Variants in STK32B observed in about 807,000 individuals in gnomAD.
STK32B encodes serine/threonine-protein kinase 32B.
A neutral mutation model predicts 52.6 loss-of-function variants in STK32B; 43 were observed. That is an observed-to-expected ratio of 0.82 (90% CI 0.64 to 1.05). STK32B has a LOEUF of 1.05. Among genes scored for constraint, STK32B ranks in the 50% least tolerant of loss-of-function variants. The probability of loss-of-function intolerance (pLI) is 0.00; values close to 1 mark genes in which losing one functional copy is unlikely to be tolerated. For missense variants in STK32B, 621 were observed against 534.6 expected (o/e 1.16, Z -1.59); for synonymous variants, 238 against 204.3 (o/e 1.17, Z -1.41).
chr4:5,493,939 A>C (rs577084329), intron 11 of STK32B, among the ~76,000 whole-genome samples: 20 of 152,396 alleles, frequency 1.3e-4, no homozygotes, highest in Admixed American at 1.0e-3. Flanking sequence ...CTGTGGTCTG[A>C]GAGACAGTTT....
intron 6 of STK32B, among the ~76,000 whole-genome samples, chr4:5,425,722 CAT>C (rs1713035630): frequency 6.6e-6 from 1 of 152,134 alleles, no homozygotes; most frequent in Non-Finnish European, 1.5e-5. Context: ...CAGACAAACA[CAT>C]ACAGTCATAG....
intron 3 of STK32B, among the ~76,000 whole-genome samples, chr4:5,263,053 CTTA>C (rs2108847139): frequency 6.8e-6 from 1 of 147,000 alleles, no homozygotes; most frequent in African/African-American, 2.5e-5. Context: ...TGTTTAGCAT[CTTA>C]TTTTATTGAA....
At chr4:5,312,620 CA>C (rs1730379028) in intron 3 of STK32B, among the ~76,000 whole-genome samples, 1 of 152,000 alleles carries the variant, frequency 6.6e-6, no homozygotes, top group Non-Finnish European at 1.5e-5. Flanking sequence ...ATGAACTCAT[CA>C]TTTTTTATGG....
intron 5 of STK32B, among the ~76,000 whole-genome samples, chr4:5,401,070 G>A (rs1308407582): frequency 6.6e-6 from 1 of 152,166 alleles, no homozygotes; most frequent in Non-Finnish European, 1.5e-5. Context: ...AGACAGTGGG[G>A]CAGAACTGCA....
intron 2 of STK32B, among the ~76,000 whole-genome samples, chr4:5,155,068 G>A (rs1322447235): frequency 6.6e-6 from 1 of 151,990 alleles, no homozygotes; most frequent in Non-Finnish European, 1.5e-5. Context: ...CAAGTCTCTT[G>A]ACCACACTGG....
chr4:5,219,036 G>A (rs1577206438), intron 3 of STK32B, among the ~76,000 whole-genome samples: 1 of 152,340 alleles, frequency 6.6e-6, no homozygotes, highest in Admixed American at 6.5e-5. Flanking sequence ...GAGCCCCCTG[G>A]TTCACTTGGG....
intron 7 of STK32B, among the ~76,000 whole-genome samples, chr4:5,450,489 T>C (rs116169727): frequency 0.015 from 2,289 of 152,268 alleles, 52 homozygotes; most frequent in African/African-American, 0.052. Flanking sequence ...TTTTCACTCT[T>C]GAACAGCTGT....
intron 7 of STK32B, among the ~76,000 whole-genome samples, chr4:5,450,364 A>C (rs902622403): frequency 6.6e-6 from 1 of 152,164 alleles, no homozygotes; most frequent in Non-Finnish European, 1.5e-5. Flanking sequence ...AGATGGACAG[A>C]TCTTTAGCCA....
At chr4:5,043,009 G>A in the STK32B span, among the ~76,000 whole-genome samples, 47 of 151,484 alleles carry the variant, frequency 3.1e-4, no homozygotes, top group African/African-American at 9.9e-4. Flanking sequence ...GGGAGGCTGA[G>A]GCAGGAGAAT....
intron 3 of STK32B, among the ~76,000 whole-genome samples, chr4:5,207,854 C>T (rs927437009): frequency 2.6e-5 from 4 of 151,876 alleles, no homozygotes; most frequent in Admixed American, 2.6e-4. Context: ...TGTTTTTTCT[C>T]TTCTGGACAT....
At position 5,469,019 on chromosome 4, in the gene STK32B, C is replaced by G. The variant is rs1335577145; in HGVS notation, c.1106+949C>G. 6.6e-6 allele frequency among the ~76,000 whole-genome samples: 1 copy of G among 150,862 alleles called. No individual in the cohort carries two copies. Among genetic ancestry groups the G allele is most frequent in the Admixed American group, 6.6e-5 (1 of 15,164 alleles). ...GAGCCGAGATCGCGCACACTGCACT[C>G]CAGCCTGGGCGACAGAGCAAGACTC... On this transcript the variant is annotated intron_variant, in intron 11 of 11. Transcript: ENST00000282908. The surrounding 1 kb of genome is among the most constrained non-coding windows in gnomAD (Gnocchi z 4.7).
intron 4 of STK32B, among the ~76,000 whole-genome samples, chr4:5,362,739 G>C (rs996357691): frequency 2.6e-5 from 4 of 152,232 alleles, no homozygotes; most frequent in African/African-American, 9.6e-5. Context: ...AAGAAGGCTG[G>C]GGTGAATACC....
intron 1 of STK32B, among the ~76,000 whole-genome samples, chr4:5,070,445 A>C (rs988201975): frequency 5.3e-5 from 8 of 152,136 alleles, no homozygotes. Flanking sequence ...TTTAGAAAAT[A>C]TCTGTCATTG....
At position 5,499,123 on chromosome 4, in the gene STK32B, C is replaced by G. The variant is rs1267012109; in HGVS notation, c.*40C>G. 1 of 1,558,364 alleles carries G rather than the reference C, an allele frequency of 6.4e-7. No individual in the cohort carries two copies. The highest frequency in any genetic ancestry group is 1.8e-5 in the Admixed American group (1 of 55,826). On this transcript the variant is annotated 3_prime_UTR_variant, in exon 12 of 12. Transcript: ENST00000282908. ...CTGCTCAACAGGACTGCACTCGTCT[C>G]TGCCCTGCCCACCCAGAGCCCCTCT...
At chr4:5,174,791 C>T (rs566357427) in intron 3 of STK32B, among the ~76,000 whole-genome samples, 2 of 152,226 alleles carry the variant, frequency 1.3e-5, no homozygotes, top group South Asian at 2.1e-4. Context: ...TGGAGTTGCT[C>T]TTCTCGAGGA....
At chr4:5,221,854 CAAAAA>C (rs35134769) in intron 3 of STK32B, among the ~76,000 whole-genome samples, 10 of 81,130 alleles carry the variant, frequency 1.2e-4, no homozygotes, top group Admixed American at 1.4e-4. Context: ...GACTCTGTCT[CAAAAA>C]AAAAAAAAAA....
At position 5,092,818 on chromosome 4, in the gene STK32B, G is replaced by A. The variant is rs778082873; in HGVS notation, c.52+40903G>A. ...CTCATGATCCAATCACCTCCCACCC[G>A]GTCACACCTCCAACAATGGGAATTT... On this transcript the variant is annotated intron_variant, in intron 1 of 11. Transcript: ENST00000282908. Among the ~76,000 whole-genome samples the A allele has an allele frequency of 2.6e-5, 4 of 151,952 alleles. No individual in the cohort carries two copies. In the South Asian group the frequency reaches 8.3e-4, roughly 32 times the overall value.
chr4:5,484,819 A>G (rs991075176), intron 11 of STK32B, among the ~76,000 whole-genome samples: 1 of 152,148 alleles, frequency 6.6e-6, no homozygotes, highest in Non-Finnish European at 1.5e-5. Flanking sequence ...GCTTGTCTGT[A>G]AAGTATTTTA....
At chr4:5,451,917 ACC>A (rs1364849689) in intron 7 of STK32B, among the ~76,000 whole-genome samples, 24 of 152,036 alleles carry the variant, frequency 1.6e-4, no homozygotes, top group Non-Finnish European at 3.2e-4. Flanking sequence ...ATTTCAAGGA[ACC>A]CTCGCCCCTT....
Sources: gnomAD v4.1 joint callset for allele counts (sites outside exome capture counted in the v4.1 genomes callset) on GRCh38, gnomAD v4.1.1 for gene constraint, Gnocchi (gnomAD v3.1) non-coding constraint, MANE v1.5 for transcripts, NCBI Gene and HGNC (gene_info 2026-07-23, HGNC 2026-07-21) for gene names.